PPP2R3B: variants seen among roughly 807,000 people sequenced by gnomAD.
The protein encoded by PPP2R3B is protein phosphatase 2 regulatory subunit B''beta, also known as serine/threonine-protein phosphatase 2A regulatory subunit B'' subunit beta.
A neutral mutation model predicts 72.9 loss-of-function variants in PPP2R3B; 68 were observed. The observed-to-expected ratio is 0.93, with a 90% confidence interval of 0.77 to 1.14. The LOEUF is 1.14. Ranked by LOEUF, PPP2R3B falls within the 50% of genes most tolerant of loss-of-function variation. The probability of loss-of-function intolerance (pLI) is 0.00; values close to 1 mark genes in which losing one functional copy is unlikely to be tolerated. For missense variants in PPP2R3B, 1,018 were observed against 842.0 expected (o/e 1.21, Z -2.59); for synonymous variants, 466 against 375.8 (o/e 1.24, Z -2.78).
chrX:373,460 C>G (rs1420460667), intron 1 of PPP2R3B: 1 of 151,914 alleles, frequency 6.6e-6, no homozygotes, highest in Admixed American at 6.6e-5. Flanking sequence ...CACGCGGGGC[C>G]GGGAGGGCAG....
intron 7 of PPP2R3B, 64 bp downstream of exon 7, chrX:345,452 A>G: frequency 6.2e-7 from 1 of 1,601,368 alleles, no homozygotes; most frequent in Non-Finnish European, 8.5e-7. Flanking sequence ...GCAGACCCGC[A>G]GGCCCTGAGA....
chrX:336,657 G>A (rs1236769333), intron 12 of PPP2R3B: 1 of 152,232 alleles, frequency 6.6e-6, no homozygotes, highest in Non-Finnish European at 1.5e-5. Flanking sequence ...AACCGACAGA[G>A]CTTTGAGATC....
rs751600076 is a variant in PPP2R3B at position 341,466 on chromosome X, G to A, written c.1086-70C>T. ...AGAGCTTCACAGGAACGGAGCCCCT[G>A]TCCACGCGCCTCGGTGAGGGGAGCC... On this transcript the variant is annotated intron_variant, in intron 8 of 12. Transcript: ENST00000390665. 9.1e-6 allele frequency: 14 copies of A among 1,532,342 alleles called. No individual in the cohort carries two copies. In the East Asian group the frequency reaches 2.3e-4, roughly 25 times the overall value. The allele number at this position is 1,532,342 out of a possible 1,614,324, so 94.9% of individuals were successfully genotyped here.
Position 347,682 on chromosome X carries a change from G to A in PPP2R3B, c.522C>T (p.Cys174=), listed in dbSNP as rs766136568. The change falls in exon 3 of 13, where the codon TGC becomes TGT. Residue 174 remains cysteine (C), a synonymous_variant. Transcript: ENST00000390665. ...AGAGCGGCCCCTTCCAGTAGAGGGG[G>A]CAGCCGCAGGCCTGGGGCAGAGAGG... is the stretch of plus-strand genomic sequence containing the variant. ...DMGLVAKACG[C]PLYWKGPLFY... is the part of the protein sequence containing the mutation. 4 of 1,539,690 alleles carry A rather than the reference G, an allele frequency of 2.6e-6. No homozygotes were observed. The highest frequency in any genetic ancestry group is 2.8e-5 in the African/African-American group (2 of 72,306).
rs1195986951 is a variant in PPP2R3B at position 345,252 on chromosome X, G to A, written c.1036+264C>T. 7.3e-6 allele frequency: 5 copies of A among 680,798 alleles called. No homozygotes were observed. The East Asian group carries it at 1.4e-4, about 19-fold the overall frequency. The allele number at this position is 680,798 out of a possible 1,614,324, so 42.2% of individuals were successfully genotyped here. ...AGCGCTGCTGGCCCTCGGGCCAGGA[G>A]CTTCAGGACCAGCGGCCCACACTGA... On this transcript the variant is annotated intron_variant, in intron 7 of 12. Coordinates refer to ENST00000390665, the MANE Select transcript of PPP2R3B (RefSeq NM_013239.5).
At chrX:361,044 G>A (rs745887461) in intron 2 of PPP2R3B, among the ~76,000 whole-genome samples, 25 of 152,324 alleles carry the variant, frequency 1.6e-4, no homozygotes, top group African/African-American at 5.8e-4. Flanking sequence ...GGAGGGTGCA[G>A]AACGGCCTCC....
At chrX:345,103 G>A in intron 7 of PPP2R3B, 3 of 473,500 alleles carry the variant, frequency 6.3e-6, no homozygotes, top group Non-Finnish European at 1.2e-5. Flanking sequence ...GCTAAGCCTG[G>A]GGCTCCACCT....
chrX:371,454 G>C (rs899277010), intron 1 of PPP2R3B, among the ~76,000 whole-genome samples: 1 of 152,094 alleles, frequency 6.6e-6, no homozygotes, highest in African/African-American at 2.4e-5. Flanking sequence ...AGGAGGAGGA[G>C]CTTGGGTTCA....
At chrX:362,975 G>A (rs1373177350) in intron 1 of PPP2R3B, among the ~76,000 whole-genome samples, 7 of 151,904 alleles carry the variant, frequency 4.6e-5, no homozygotes, top group Non-Finnish European at 1.0e-4. Flanking sequence ...CACTGACAGC[G>A]CCTCAACTGT....
intron 2 of PPP2R3B, among the ~76,000 whole-genome samples, chrX:349,018 G>A (rs150868178): frequency 0.01 from 1,576 of 152,014 alleles, 19 homozygotes; most frequent in Non-Finnish European, 0.016. Flanking sequence ...AGTCCAACTC[G>A]GCAATAATAG....
chrX:379,198 C>T (rs1357049004), intron 1 of PPP2R3B, among the ~76,000 whole-genome samples: 2 of 133,004 alleles, frequency 1.5e-5, no homozygotes, highest in Non-Finnish European at 3.2e-5. Context: ...TGTGTGTATG[C>T]GTGTGTATGC....
intron 7 of PPP2R3B, 158 bp from the exon 8 acceptor site, chrX:342,089 C>T: frequency 1.3e-6 from 1 of 780,238 alleles, no homozygotes; most frequent in Non-Finnish European, 2.2e-6. Context: ...CACGGCCCAT[C>T]CTAGGGGCCC....
At chrX:362,894 G>A (rs1423666130) in intron 1 of PPP2R3B, among the ~76,000 whole-genome samples, 4 of 149,924 alleles carry the variant, frequency 2.7e-5, no homozygotes, top group Non-Finnish European at 5.9e-5. Context: ...AGGTCACAAG[G>A]GTCCCACAGC....
chrX:338,154 G>C, intron 12 of PPP2R3B: 2 of 247,832 alleles, frequency 8.1e-6, no homozygotes, highest in Non-Finnish European at 1.6e-5. Context: ...CTGAAGACAC[G>C]AAGAACCCTC....
At chrX:341,967 G>A (rs770879442) in intron 7 of PPP2R3B, 36 bp from the exon 8 acceptor site, 13 of 1,611,246 alleles carry the variant, frequency 8.1e-6, no homozygotes, top group East Asian at 4.5e-5. Flanking sequence ...AGCCCGCACC[G>A]TGCCTCGGCC....
At chrX:378,871 A>T (rs1337658109) in intron 1 of PPP2R3B, among the ~76,000 whole-genome samples, 2 of 152,254 alleles carry the variant, frequency 1.3e-5, no homozygotes, top group East Asian at 3.8e-4. Context: ...GCACCTGTAC[A>T]AAAGCTACAG....
chrX:347,667 C>A lies in PPP2R3B; in HGVS notation c.537G>T (p.Lys179Asn). ...AKACGCPLYW[K>N]GPLFYGAGGE... ...CGCCGGCGCCATAGAAGAGCGGCCCCTTCCAGTAGAGGGGGCAGCCGCAGG... is the reference window on the plus strand; with the variant it reads ...CGCCGGCGCCATAGAAGAGCGGCCCATTCCAGTAGAGGGGGCAGCCGCAGG... Residue 179 changes from lysine (K) to asparagine (N), a missense_variant, in exon 3 of 13, where the codon AAG becomes AAT. Lys to Asn is a moderately conservative substitution (Grantham distance 94). Coordinates refer to ENST00000390665, the MANE Select transcript of PPP2R3B (RefSeq NM_013239.5). 6.4e-7 allele frequency: 1 copy of A among 1,555,814 alleles called. No individual in the cohort carries two copies. Among genetic ancestry groups the A allele is most frequent in the Non-Finnish European group, 8.7e-7 (1 of 1,152,146 alleles).
At chrX:353,891 C>G (rs867552670) in intron 2 of PPP2R3B, among the ~76,000 whole-genome samples, 1 of 114,090 alleles carries the variant, frequency 8.8e-6, no homozygotes, top group South Asian at 2.8e-4. Context: ...CACCCAAAGA[C>G]CGGGGGCTCA....
intron 5 of PPP2R3B, 61 bp from the exon 6 acceptor site, chrX:346,321 G>T: frequency 3.4e-6 from 5 of 1,483,020 alleles, no homozygotes; most frequent in Non-Finnish European, 3.7e-6. Flanking sequence ...CGCCCCGCAC[G>T]GAGACCGGGA....
Sources: gnomAD v4.1 joint callset for allele counts (sites outside exome capture counted in the v4.1 genomes callset) on GRCh38, gnomAD v4.1.1 for gene constraint, MANE v1.5 for transcripts, NCBI Gene and HGNC (gene_info 2026-07-23, HGNC 2026-07-21) for gene names.